Variants in ZNF532 observed in about 807,000 individuals in gnomAD.
ZNF532 encodes zinc finger protein 532.
Under a neutral mutation model 89.3 loss-of-function variants are expected in ZNF532, and 22 were observed. That is an observed-to-expected ratio of 0.25 (90% CI 0.18 to 0.35). ZNF532 has a LOEUF of 0.35. Among genes scored for constraint, ZNF532 ranks in the 10% least tolerant of loss-of-function variants. The pLI is 1.00. For synonymous variants in ZNF532, 606 were observed against 649.6 expected (o/e 0.93, Z 1.02); for missense variants, 1,132 against 1,643.4 (o/e 0.69, Z 5.38).
At chr18:58,930,575 C>T (rs942389084) in intron 3 of ZNF532, among the ~76,000 whole-genome samples, 2 of 145,492 alleles carry the variant, frequency 1.4e-5, no homozygotes, top group African/African-American at 2.6e-5. Flanking sequence ...TTGCAGTGAG[C>T]TGAGATTATG....
At chr18:58,925,145 G>A (rs1482981795) in intron 3 of ZNF532, among the ~76,000 whole-genome samples, 2 of 152,038 alleles carry the variant, frequency 1.3e-5, no homozygotes, top group African/African-American at 4.8e-5. Context: ...TTTATCATCA[G>A]AGTATAACTG....
At chr18:58,899,858 A>G (rs377227443) in intron 2 of ZNF532, among the ~76,000 whole-genome samples, 22 of 152,188 alleles carry the variant, frequency 1.4e-4, no homozygotes, top group East Asian at 9.6e-4. Flanking sequence ...TTTATTTTCT[A>G]GTTATACTCT....
intron 7 of ZNF532, among the ~76,000 whole-genome samples, chr18:58,958,367 T>G (rs1355719684): frequency 6.6e-6 from 1 of 152,212 alleles, no homozygotes; most frequent in African/African-American, 2.4e-5. Flanking sequence ...TTTTAAGAAG[T>G]TCTTGTTACA....
intron 5 of ZNF532, among the ~76,000 whole-genome samples, chr18:58,945,387 A>G (rs1035717054): frequency 6.6e-6 from 1 of 152,184 alleles, no homozygotes; most frequent in Non-Finnish European, 1.5e-5. Flanking sequence ...ACCCTTCATC[A>G]TCGAGGCGAG....
At chr18:58,876,473 CA>C (rs2057440918) in intron 2 of ZNF532, among the ~76,000 whole-genome samples, 1 of 152,182 alleles carries the variant, frequency 6.6e-6, no homozygotes, top group Non-Finnish European at 1.5e-5. Context: ...TCTAGCTTGG[CA>C]TGTGATGCTA....
intron 5 of ZNF532, among the ~76,000 whole-genome samples, chr18:58,946,564 T>C (rs980058021): frequency 1.5e-4 from 23 of 152,192 alleles, no homozygotes; most frequent in Admixed American, 1.5e-3. Flanking sequence ...TGAGCCACCA[T>C]GCTGGCCTAG....
intron 2 of ZNF532, among the ~76,000 whole-genome samples, chr18:58,875,738 A>G (rs574955643): frequency 1.3e-5 from 2 of 152,184 alleles, no homozygotes; most frequent in South Asian, 4.2e-4. Flanking sequence ...AGAATGCTCC[A>G]CTAGTAGGTG....
At chr18:58,868,827 A>G (rs547260477) in intron 2 of ZNF532, among the ~76,000 whole-genome samples, 3 of 152,322 alleles carry the variant, frequency 2.0e-5, no homozygotes, top group African/African-American at 7.2e-5. Flanking sequence ...GCAGGGGTAC[A>G]TTCTGAGAAA....
intron 2 of ZNF532, among the ~76,000 whole-genome samples, chr18:58,888,715 A>ATAAAT (rs1555708898): frequency 1.5e-4 from 7 of 46,760 alleles, no homozygotes; most frequent in African/African-American, 8.2e-4. Flanking sequence ...ATATATATAT[A>ATAAAT]TATATATATA....
chr18:58,888,854 ATTT>A (rs2058635931), intron 2 of ZNF532, among the ~76,000 whole-genome samples: 2 of 41,314 alleles, frequency 4.8e-5, no homozygotes, highest in African/African-American at 1.4e-4. Context: ...TATATATATA[ATTT>A]ATATATATAT....
At chr18:58,976,084 A>C (rs1470263166) in intron 7 of ZNF532, among the ~76,000 whole-genome samples, 2 of 152,238 alleles carry the variant, frequency 1.3e-5, no homozygotes, top group Admixed American at 1.3e-4. Context: ...GTTTGTATTT[A>C]AAATCTAACA....
At chr18:58,866,109 T>C (rs2056432861) in intron 2 of ZNF532, among the ~76,000 whole-genome samples, 2 of 152,212 alleles carry the variant, frequency 1.3e-5, no homozygotes, top group African/African-American at 4.8e-5. Context: ...TTTTGGGGGC[T>C]GTTGACGGTG....
chr18:58,879,710 T>C (rs938649041), intron 2 of ZNF532, among the ~76,000 whole-genome samples: 2 of 152,176 alleles, frequency 1.3e-5, no homozygotes, highest in African/African-American at 2.4e-5. Context: ...CCTTTTTCTA[T>C]AGCATGTACT....
chr18:58,950,277 CT>C (rs1392431214), intron 6 of ZNF532, among the ~76,000 whole-genome samples: 4 of 152,054 alleles, frequency 2.6e-5, no homozygotes, highest in Non-Finnish European at 5.9e-5. Flanking sequence ...GAAATAGAAA[CT>C]GAAGAGGGGT....
intron 2 of ZNF532, among the ~76,000 whole-genome samples, chr18:58,910,750 C>T (rs895715261): frequency 1.3e-5 from 2 of 152,120 alleles, no homozygotes; most frequent in Non-Finnish European, 2.9e-5. Flanking sequence ...GCTGGGATTA[C>T]GAGCATGAGC....
chr18:58,907,793 G>A (rs1019017892), intron 2 of ZNF532, among the ~76,000 whole-genome samples: 1 of 152,132 alleles, frequency 6.6e-6, no homozygotes, highest in South Asian at 2.1e-4. Context: ...CAGCCAGTGA[G>A]TTCTGTTTTT....
intron 7 of ZNF532, among the ~76,000 whole-genome samples, chr18:58,961,724 C>G (rs868062512): frequency 6.6e-6 from 1 of 152,146 alleles, no homozygotes; most frequent in South Asian, 2.1e-4. Flanking sequence ...AATGCTGAGT[C>G]TAGAAACAGT....
At chr18:58,889,101 G>A (rs2058708602) in intron 2 of ZNF532, among the ~76,000 whole-genome samples, 2 of 150,040 alleles carry the variant, frequency 1.3e-5, no homozygotes, top group Non-Finnish European at 3.0e-5. Flanking sequence ...TAGGATTTTG[G>A]AGCATTTCAG....
Position 58,934,584 on chromosome 18 carries a change from G to C in ZNF532, c.2498G>C (p.Cys833Ser). ...VHFQTHVTKN[C>S]LHYTRRVGFR... ...TTCCAGACCCACGTCACCAAGAACT[G>C]TCTGCACTACACGAGGAGAGTTGGT... The change falls in exon 4 of 10, where the codon TGT becomes TCT. Residue 833 changes from cysteine to serine, a missense_variant. Physicochemically the swap from Cys to Ser is moderately radical, Grantham distance 112 (BLOSUM62 -1). Around this residue, in one of 9 missense-constraint regions of ZNF532, gnomAD observed 415 missense variants for 604.8 expected, o/e 0.69. Transcript: ENST00000591808. 1 of 1,614,094 alleles carries C rather than the reference G, an allele frequency of 6.2e-7. No individual in the cohort carries two copies. Among genetic ancestry groups the C allele is most frequent in the Non-Finnish European group, 8.5e-7 (1 of 1,179,986 alleles).
Sources: allele counts gnomAD v4.1 joint callset (sites outside exome capture counted in the v4.1 genomes callset), GRCh38; gene constraint gnomAD v4.1.1; regional missense constraint gnomAD v4.1.1; transcripts MANE v1.5; gene names NCBI Gene and HGNC (gene_info 2026-07-23, HGNC 2026-07-21).